COMMD1: variants seen among roughly 807,000 people sequenced by gnomAD.
COMMD1 encodes copper metabolism domain containing 1, also known as COMM domain-containing protein 1.
A neutral mutation model predicts 17.2 loss-of-function variants in COMMD1; 10 were observed. The observed-to-expected ratio is 0.58, with a 90% confidence interval of 0.36 to 0.99. COMMD1 has a LOEUF of 0.99. COMMD1 is among the 50% of genes least tolerant of loss of function. The pLI is 0.01. For missense variants in COMMD1, 270 were observed against 231.8 expected (o/e 1.17, Z -1.07); for synonymous variants, 97 against 91.6 (o/e 1.06, Z -0.34).
intron 2 of COMMD1, among the ~76,000 whole-genome samples, chr2:62,128,734 C>T (rs1327684797): frequency 1.3e-5 from 2 of 152,046 alleles, no homozygotes; most frequent in Non-Finnish European, 2.9e-5. Context: ...AGGTGGATCA[C>T]GAAGTCAGGA....
chr2:62,098,303 C>A (rs965450020), intron 2 of COMMD1, among the ~76,000 whole-genome samples: 2 of 151,934 alleles, frequency 1.3e-5, no homozygotes, highest in African/African-American at 4.8e-5. Context: ...GGATTACAGG[C>A]ATGCGCCACC....
intron 1 of COMMD1, among the ~76,000 whole-genome samples, chr2:61,942,144 C>A (rs1420956358): frequency 6.6e-6 from 1 of 152,236 alleles, no homozygotes; most frequent in African/African-American, 2.4e-5. Flanking sequence ...TGCTCTGTCG[C>A]CCAGGCTGGA....
chr2:62,072,726 G>C (rs1573148465), intron 2 of COMMD1, among the ~76,000 whole-genome samples: 1 of 152,258 alleles, frequency 6.6e-6, no homozygotes. Flanking sequence ...GAGTTTTCGG[G>C]CACCACCGCA....
At chr2:62,063,894 T>TATATATATAC (rs1670952457) in intron 2 of COMMD1, among the ~76,000 whole-genome samples, 1 of 134,044 alleles carries the variant, frequency 7.5e-6, no homozygotes, top group African/African-American at 2.8e-5. Flanking sequence ...TATATATATA[T>TATATATATAC]ATATTAGCCA....
chr2:61,905,949 C>T, intron 1 of COMMD1, 91 bp downstream of exon 1: 1 of 1,329,898 alleles, frequency 7.5e-7, no homozygotes, highest in Non-Finnish European at 1.1e-6. Flanking sequence ...CCTGTCCTCA[C>T]AAGCCGAAAG....
rs370118905 is a variant in COMMD1 at position 61,950,504 on chromosome 2, C to T, written c.180+44646C>T. On this transcript the variant is annotated intron_variant, in intron 1 of 2. Coordinates refer to ENST00000311832, the MANE Select transcript of COMMD1 (RefSeq NM_152516.4). ...TCCCCTATGGATTAATATGGGATTC[C>T]TCTATGTTCCAAGACCCCAGTGGAT... Among the ~76,000 whole-genome samples the T allele has an allele frequency of 5.3e-5, 8 of 152,200 alleles. No homozygotes were observed. The East Asian group carries it at 1.2e-3, about 22-fold the overall frequency.
At chr2:62,123,501 GA>G (rs544156263) in intron 2 of COMMD1, among the ~76,000 whole-genome samples, 1 of 130,960 alleles carries the variant, frequency 7.6e-6, no homozygotes. Flanking sequence ...CAAGACATGT[GA>G]AAAAAAAATT....
chr2:62,003,526 G>A (rs1199859136), intron 2 of COMMD1, among the ~76,000 whole-genome samples: 1 of 150,182 alleles, frequency 6.7e-6, no homozygotes, highest in African/African-American at 2.5e-5. Context: ...GGGCGACAGA[G>A]TGAGACTCCG....
intron 1 of COMMD1, among the ~76,000 whole-genome samples, chr2:61,897,470 C>A (rs1669573025): frequency 6.6e-6 from 1 of 152,210 alleles, no homozygotes; most frequent in African/African-American, 2.4e-5. Context: ...CTTCTCTACA[C>A]TTCCCAATGG....
At chr2:61,942,458 C>G (rs1670775220) in intron 1 of COMMD1, among the ~76,000 whole-genome samples, 1 of 151,590 alleles carries the variant, frequency 6.6e-6, no homozygotes, top group African/African-American at 2.4e-5. Context: ...GTCACCCAGG[C>G]TGGAGTGCAG....
intron 1 of COMMD1, among the ~76,000 whole-genome samples, chr2:61,966,769 G>A (rs879919886): frequency 2.6e-5 from 4 of 151,618 alleles, no homozygotes; most frequent in Admixed American, 2.6e-4. Context: ...ATTGTTAAAT[G>A]TAAGTTGGGA....
At chr2:61,978,189 C>T (rs1671858070) in intron 1 of COMMD1, among the ~76,000 whole-genome samples, 1 of 152,092 alleles carries the variant, frequency 6.6e-6, no homozygotes, top group African/African-American at 2.4e-5. Context: ...CATTTATCCA[C>T]GTTTGTTTGT....
intron 2 of COMMD1, among the ~76,000 whole-genome samples, chr2:62,044,168 T>A (rs1038191833): frequency 6.6e-6 from 1 of 152,218 alleles, no homozygotes; most frequent in Admixed American, 6.5e-5. Context: ...TCCAAAACCC[T>A]TGCAAACTTT....
intron 2 of COMMD1, among the ~76,000 whole-genome samples, chr2:62,037,954 G>A (rs1176342328): frequency 2.6e-5 from 4 of 151,992 alleles, no homozygotes; most frequent in African/African-American, 4.8e-5. Flanking sequence ...GAACTAATTC[G>A]GTCTGCCTCA....
rs568109946 is a variant in COMMD1, at chr2:61,968,991, A to G, written c.181-31710A>G. On this transcript the variant is annotated intron_variant, in intron 1 of 2. Transcript: ENST00000311832. ...AAGACAGGATCTTGCTGTGTTGCCC[A>G]GGATAGAGTGCAATGGGTATTCATA... is the stretch of plus-strand genomic sequence containing the variant. 6.4e-4 allele frequency: 268 copies of G among 417,380 alleles called. 1 individual carries two copies. In the Middle Eastern group the frequency reaches 0.016, roughly 24 times the overall value. The allele number at this position is 417,380 out of a possible 1,614,324, so 25.9% of individuals were successfully genotyped here.
chr2:62,093,596 G>A (rs1222559658), intron 2 of COMMD1, among the ~76,000 whole-genome samples: 2 of 152,150 alleles, frequency 1.3e-5, no homozygotes, highest in African/African-American at 4.8e-5. Context: ...TTTGTAGGAC[G>A]AAAGGTACAT....
Position 61,905,677 on chromosome 2 carries a change from G to C in COMMD1, c.-2G>C. 1 of 1,555,176 alleles carries C rather than the reference G, an allele frequency of 6.4e-7. No homozygotes were observed. The highest frequency in any genetic ancestry group is 8.7e-7 in the Non-Finnish European group (1 of 1,147,474). On this transcript the variant is annotated 5_prime_UTR_variant, in exon 1 of 3. Transcript: ENST00000311832. The stretch of plus-strand genomic sequence containing the variant: ...TGTTGCGGGGCGGGGCCTTCGCAGA[G>C]CATGGCGGCGGGCGAGCTTGAGGGT...
At chr2:62,024,046 A>G (rs1573083700) in intron 2 of COMMD1, among the ~76,000 whole-genome samples, 1 of 152,250 alleles carries the variant, frequency 6.6e-6, no homozygotes, top group East Asian at 1.9e-4. Context: ...TAATTGTGGT[A>G]AACTACATAT....
rs573958271 is a variant in COMMD1, at chr2:61,952,622, A to G, written c.180+46764A>G. Among the ~76,000 whole-genome samples, 6 of 152,178 alleles carry G rather than the reference A, an allele frequency of 3.9e-5. No homozygotes were observed. The East Asian group carries it at 9.7e-4, about 24-fold the overall frequency. The stretch of plus-strand genomic sequence containing the variant: ...TCATTCTCCAGCCCCCTGCCCATCA[A>G]ATTTTCCAGGAAAACTCTGCCTAGC... On this transcript the variant is annotated intron_variant, in intron 1 of 2. Coordinates refer to ENST00000311832, the MANE Select transcript of COMMD1 (RefSeq NM_152516.4).
Sources: gnomAD v4.1 joint callset for allele counts (sites outside exome capture counted in the v4.1 genomes callset) on GRCh38, gnomAD v4.1.1 for gene constraint, MANE v1.5 for transcripts, NCBI Gene and HGNC (gene_info 2026-07-23, HGNC 2026-07-21) for gene names.